CCPG1: variants seen among roughly 807,000 people sequenced by gnomAD.
The protein encoded by CCPG1 is cell cycle progression 1.
CCPG1 carries 46 observed loss-of-function variants against 81.3 expected under a neutral mutation model. The observed-to-expected ratio is 0.57, with a 90% CI of 0.45 to 0.72. The LOEUF is 0.72. Among genes scored for constraint, CCPG1 ranks in the 30% least tolerant of loss-of-function variants. The probability of loss-of-function intolerance (pLI) is 0.00; values close to 1 mark genes in which losing one functional copy is unlikely to be tolerated. For synonymous variants in CCPG1, 330 were observed against 305.2 expected, an observed-to-expected ratio of 1.08 and a Z score of -0.85; for missense variants, 902 against 937.6, an observed-to-expected ratio of 0.96 and a Z score of 0.50.
Position 55,355,908 on chromosome 15 carries a change from G to A in CCPG1, c.*312C>T, listed in dbSNP as rs75249417. 3.7e-5 allele frequency: 13 copies of A among 348,710 alleles called. No individual in the cohort carries two copies. Among genetic ancestry groups the A allele is most frequent in the African/African-American group, 2.6e-4 (12 of 46,224 alleles). The allele number at this position is 348,710 out of a possible 1,614,324, so 21.6% of individuals were successfully genotyped here. On this transcript the variant is annotated 3_prime_UTR_variant, in exon 9 of 9. Coordinates refer to ENST00000442196, the MANE Select transcript of CCPG1 (RefSeq NM_001204450.2). The stretch of plus-strand genomic sequence containing the variant: ...CACTTTGTCATGTATGACTGAGCTT[G>A]CTTTAAGCTCTTACACTGAAAGGAA...
At chr15:55,407,085 G>T (rs1052117402) in intron 1 of CCPG1, among the ~76,000 whole-genome samples, 19 of 142,340 alleles carry the variant, frequency 1.3e-4, no homozygotes, top group Non-Finnish European at 2.7e-4. Context: ...AAATTTAGCT[G>T]GGCGTGGTGG....
intron 3 of CCPG1, among the ~76,000 whole-genome samples, chr15:55,383,384 C>T (rs543767617): frequency 2.0e-5 from 3 of 152,306 alleles, no homozygotes; most frequent in South Asian, 4.1e-4. Context: ...GTAGATGTAG[C>T]ATATTTTTTA....
chr15:55,392,996 C>G (rs1269716195), intron 1 of CCPG1, among the ~76,000 whole-genome samples: 5 of 152,090 alleles, frequency 3.3e-5, no homozygotes, highest in Non-Finnish European at 2.9e-5. Flanking sequence ...CCCAGCTACT[C>G]GAGAGGCTGA....
intron 3 of CCPG1, among the ~76,000 whole-genome samples, chr15:55,380,476 T>C (rs1040257301): frequency 6.6e-6 from 1 of 151,352 alleles, no homozygotes. Flanking sequence ...TTTGTATTTT[T>C]AGTACAGACG....
chr15:55,358,925 T>A, intron 8 of CCPG1: 1 of 963,282 alleles, frequency 1.0e-6, no homozygotes, highest in Non-Finnish European at 1.2e-6. Context: ...ATTAGGTAAG[T>A]TTCATGTTAC....
intron 2 of CCPG1, among the ~76,000 whole-genome samples, chr15:55,388,931 G>A (rs1035671292): frequency 1.3e-5 from 2 of 151,594 alleles, no homozygotes; most frequent in African/African-American, 4.8e-5. Context: ...AGCTGGGCAT[G>A]GTAGCAGGCA....
At chr15:55,407,037 A>ACCCACCCCCCCCCCCCC (rs1308149562) in intron 1 of CCPG1, among the ~76,000 whole-genome samples, 1 of 112,686 alleles carries the variant, frequency 8.9e-6, no homozygotes, top group South Asian at 2.7e-4. Context: ...ACACGTTGAG[A>ACCCACCCCCCCCCCCCC]CCCCCCCCCC....
chr15:55,355,419 A>C lies in CCPG1; in HGVS notation c.*801T>G, dbSNP rs2444042. On this transcript the variant is annotated 3_prime_UTR_variant, in exon 9 of 9. Coordinates refer to ENST00000442196, the MANE Select transcript of CCPG1 (RefSeq NM_001204450.2). ...AAGTTAAAAGGGAAATTCAACATGA[A>C]GATGAAATTCTGAACTTTCCTAGAT... 3.6e-3 allele frequency: 5,828 copies of C among 1,607,172 alleles called. 178 individuals carry two copies. The African/African-American group carries it at 0.068, about 19-fold the overall frequency.
rs1566966220 is a variant in CCPG1, at chr15:55,360,874, TTC to T, written c.897_898del (p.Lys300AsnfsTer36). ...CTGATTTTCTGTAGCAAGGTTCGTT[TTC>T]TGAGTTTCAAAGGACATCTTCTCTG... On this transcript the variant is annotated frameshift_variant, in exon 8 of 9. Transcript: ENST00000442196. LOFTEE classifies it high-confidence loss of function. 1 of 1,604,546 alleles carries T rather than the reference TTC, an allele frequency of 6.2e-7. No individual in the cohort carries two copies. The highest frequency in any genetic ancestry group is 8.5e-7 in the Non-Finnish European group (1 of 1,177,194).
At chr15:55,357,507 G>T in intron 8 of CCPG1, 1 of 795,072 alleles carries the variant, frequency 1.3e-6, no homozygotes, top group Non-Finnish European at 1.5e-6. Context: ...TCCGTTACCT[G>T]TGGTCAACTG....
At position 55,371,795 on chromosome 15, in the gene CCPG1, T is replaced by C. The variant is rs74438085; in HGVS notation, c.704A>G (p.Tyr235Cys). ...IAISMGFGHFYGTIQIQKRQQ... is the reference protein window; with the variant it reads ...IAISMGFGHFCGTIQIQKRQQ... Reference sequence around the variant, plus strand: ...ATAACACATTTTTGAGTACTTACCATAGAAATGGCCAAATCCCATGCTGAT... The same window carrying C: ...ATAACACATTTTTGAGTACTTACCACAGAAATGGCCAAATCCCATGCTGAT... Residue 235 changes from tyrosine (Y) to cysteine (C), a missense_variant and splice_region_variant, in exon 6 of 9, where the codon TAT becomes TGT. Tyr to Cys is a radical substitution (Grantham distance 194). Around this residue, in one of 3 missense-constraint regions of CCPG1, gnomAD observed 746 missense variants for 728.6 expected, o/e 1.02. Transcript: ENST00000442196. 15,030 of 1,613,280 alleles carry C rather than the reference T, an allele frequency of 9.3e-3. 96 individuals carry two copies. The highest frequency in any genetic ancestry group is 0.011 in the Non-Finnish European group (12,790 of 1,179,254).
At position 55,359,860 on chromosome 15, in the gene CCPG1, T is replaced by C. The variant is rs768393617; in HGVS notation, c.1913A>G (p.Gln638Arg). The C allele has an allele frequency of 1.9e-6, 3 of 1,613,664 alleles. No homozygotes were observed. Among genetic ancestry groups the C allele is most frequent in the Non-Finnish European group, 8.5e-7 (1 of 1,179,954 alleles). Residue 638 changes from glutamine to arginine, a missense_variant, in exon 8 of 9, where the codon CAA becomes CGA. Gln to Arg is a conservative substitution (Grantham distance 43). This residue lies in a region of CCPG1 where 746 missense variants were observed against 728.6 expected (regional missense o/e 1.02). Transcript: ENST00000442196. ...TGTGTTAAAAAGGCTCATGGACTCTTGTTGAGCACAATCAAATACACCAGA... is the reference window on the plus strand; with the variant it reads ...TGTGTTAAAAAGGCTCATGGACTCTCGTTGAGCACAATCAAATACACCAGA... ...ACSGVFDCAQ[Q>R]ESMSLFNTVV...
chr15:55,388,387 T>C (rs868567598), intron 2 of CCPG1, among the ~76,000 whole-genome samples: 1 of 152,230 alleles, frequency 6.6e-6, no homozygotes, highest in East Asian at 1.9e-4. Context: ...TCTTCTATTA[T>C]AAAATTCATT....
At position 55,374,182 on chromosome 15, in the gene CCPG1, G is replaced by C. The variant is rs1464975506; in HGVS notation, c.455-2138C>G. The stretch of plus-strand genomic sequence containing the variant: ...TGGAAAGCGAGTTGGCTAGGAACAT[G>C]GTGTTTCAGCTGATCATCCCATCCC... On this transcript the variant is annotated intron_variant, in intron 5 of 8. Transcript: ENST00000442196. 4 of 1,288,780 alleles carry C rather than the reference G, an allele frequency of 3.1e-6. 1 individual carries two copies. In the South Asian group the frequency reaches 3.7e-5, roughly 12 times the overall value. 79.8% of individuals were successfully genotyped at this position (1,288,780 alleles called of 1,614,324 possible). A position where few individuals can be genotyped will look rare whatever the true frequency, so the allele number is the denominator to read the frequency against.
chr15:55,403,778 C>T (rs1457868614), intron 1 of CCPG1, among the ~76,000 whole-genome samples: 5 of 152,140 alleles, frequency 3.3e-5, no homozygotes, highest in African/African-American at 7.2e-5. Context: ...TCATCTTCAC[C>T]ACAAAGAAAC....
chr15:55,391,724 G>A (rs2056917273), intron 1 of CCPG1, among the ~76,000 whole-genome samples: 1 of 152,048 alleles, frequency 6.6e-6, no homozygotes, highest in Non-Finnish European at 1.5e-5. Context: ...AAGCAGTGGA[G>A]AGTGCCTATT....
chr15:55,406,769 T>C (rs1436686812), intron 1 of CCPG1, among the ~76,000 whole-genome samples: 3 of 152,124 alleles, frequency 2.0e-5, no homozygotes, highest in African/African-American at 7.2e-5. Flanking sequence ...TATGTTCACT[T>C]TTTGTTCCAT....
intron 6 of CCPG1, among the ~76,000 whole-genome samples, chr15:55,369,870 A>G (rs2056411166): frequency 6.6e-6 from 1 of 152,194 alleles, no homozygotes; most frequent in Admixed American, 6.5e-5. Flanking sequence ...ACTTTAAATC[A>G]CTATCCAATT....
chr15:55,374,980 T>C (rs191223131), intron 5 of CCPG1, among the ~76,000 whole-genome samples: 199 of 152,342 alleles, frequency 1.3e-3, no homozygotes, highest in African/African-American at 4.5e-3. Flanking sequence ...ACAAAAACTT[T>C]TGGCAACTGG....
Sources: gnomAD v4.1 joint callset for allele counts (sites outside exome capture counted in the v4.1 genomes callset) on GRCh38, gnomAD v4.1.1 for gene constraint, gnomAD v4.1.1 regional missense constraint, MANE v1.5 for transcripts, NCBI Gene and HGNC (gene_info 2026-07-23, HGNC 2026-07-21) for gene names.